Variants in SUMF2 observed in about 807,000 individuals in gnomAD.
SUMF2 encodes the protein sulfatase modifying factor 2, also known as inactive C-alpha-formylglycine-generating enzyme 2.
SUMF2 carries 45 observed loss-of-function variants against 44.8 expected under a neutral mutation model. The ratio of observed to expected loss-of-function variants is 1.00; its 90% CI spans 0.79 to 1.29. The LOEUF is 1.29. Ranked by LOEUF, SUMF2 falls within the 50% of genes most tolerant of loss-of-function variation. The pLI is 0.00. For synonymous variants in SUMF2, 148 were observed against 150.4 expected, an observed-to-expected ratio of 0.98 and a Z score of 0.12; for missense variants, 418 against 389.9, an observed-to-expected ratio of 1.07 and a Z score of -0.61.
chr7:56,083,465 A>G (rs765957920), downstream of SUMF2: 1 of 1,612,450 alleles, frequency 6.2e-7, no homozygotes, highest in East Asian at 2.2e-5. Flanking sequence ...CACACTTGTT[A>G]CTCTTCCTCT....
chr7:56,084,514 C>T (rs1158937258), downstream of SUMF2, among the ~76,000 whole-genome samples: 1 of 151,800 alleles, frequency 6.6e-6, no homozygotes, highest in African/African-American at 2.4e-5. Flanking sequence ...GCTGGGATTA[C>T]AGGTGCCCAC....
At chr7:56,081,794 A>C, downstream of SUMF2, 1 of 1,547,264 alleles carries the variant, frequency 6.5e-7, no homozygotes. The surrounding 1 kb of genome is among the most constrained non-coding windows in gnomAD (Gnocchi z 4.6). Context: ...ATGTCAAGGC[A>C]GGTCCCCTCC....
At chr7:56,074,543 A>C (rs762305726) in intron 4 of SUMF2, 43 bp from the exon 5 acceptor site, 51 of 1,606,016 alleles carry the variant, frequency 3.2e-5, no homozygotes, top group Non-Finnish European at 4.2e-5. Flanking sequence ...CCTCCGACTT[A>C]ATGCGCTCCC....
chr7:56,083,579 CCT>C, downstream of SUMF2: 1 of 1,500,000 alleles, frequency 6.7e-7, no homozygotes, highest in Non-Finnish European at 9.2e-7. Flanking sequence ...CCCTGCCTCC[CCT>C]GAGACCCCAG....
intron 3 of SUMF2, 140 bp from the exon 4 acceptor site, chr7:56,074,034 A>G: frequency 1.7e-6 from 1 of 594,170 alleles, no homozygotes; most frequent in East Asian, 3.2e-5. Flanking sequence ...AAAAAAAAAA[A>G]AAAAAAAAAA....
downstream of SUMF2, chr7:56,082,302 G>C: frequency 6.8e-7 from 1 of 1,460,778 alleles, no homozygotes; most frequent in Non-Finnish European, 9.5e-7. Flanking sequence ...ACTCAGAAGA[G>C]GAAGTCCAGG....
chr7:56,068,036 T>A (rs1212131203), intron 1 of SUMF2, among the ~76,000 whole-genome samples: 9 of 18,098 alleles, frequency 5.0e-4, no homozygotes, highest in African/African-American at 1.3e-3. Flanking sequence ...TCTTTCTTTT[T>A]TTTTTTTTTT....
chr7:56,077,995 C>T, intron 6 of SUMF2, 107 bp from the exon 7 acceptor site: 2 of 932,864 alleles, frequency 2.1e-6, no homozygotes, highest in East Asian at 2.5e-5. Context: ...GTGCCCTTCC[C>T]CTTCCCCAGA....
At chr7:56,073,215 G>GAGGT in intron 3 of SUMF2, 104 bp downstream of exon 3, 1 of 867,550 alleles carries the variant, frequency 1.2e-6, no homozygotes, top group Middle Eastern at 2.1e-4. Context: ...TCAGACCTGA[G>GAGGT]AGGTGGAGGC....
intron 8 of SUMF2, chr7:56,079,026 A>G: frequency 1.7e-6 from 1 of 584,998 alleles, no homozygotes; most frequent in East Asian, 2.9e-5. Context: ...CTCCTCAAGT[A>G]TCTGGGACTA....
chr7:56,081,911 C>T (rs145703798), downstream of SUMF2: 84 of 1,613,348 alleles, frequency 5.2e-5, no homozygotes, highest in African/African-American at 6.9e-4. This position sits in a 1 kb window ranked among gnomAD's most constrained non-coding sequence, Gnocchi z 4.6. Context: ...TCACGGTGTC[C>T]GAGTAATCAT....
downstream of SUMF2, chr7:56,084,361 A>T: frequency 3.9e-6 from 2 of 513,456 alleles, no homozygotes; most frequent in African/African-American, 2.1e-5. Flanking sequence ...GAAGGACGTG[A>T]GTATCCCGAT....
chr7:56,079,126 G>A lies in SUMF2; in HGVS notation c.822-402G>A, dbSNP rs569892193. Reference sequence around the variant, plus strand: ...TGGACTCAAGCAATCAGCCCGCCTTGGCCTCCCAGAATGCTAGGATTACAG... The same window carrying A: ...TGGACTCAAGCAATCAGCCCGCCTTAGCCTCCCAGAATGCTAGGATTACAG... On this transcript the variant is annotated intron_variant, in intron 8 of 8. Coordinates refer to ENST00000434526, the MANE Select transcript of SUMF2 (RefSeq NM_015411.4). The A allele has an allele frequency of 8.6e-4, 410 of 476,522 alleles. 5 individuals are homozygous for A. In the Middle Eastern group the frequency reaches 9.1e-3, roughly 11 times the overall value. 29.5% of individuals were successfully genotyped at this position (476,522 alleles called of 1,614,324 possible). A position where few individuals can be genotyped will look rare whatever the true frequency, so the allele number is the denominator to read the frequency against.
chr7:56,085,055 G>GGT (rs1796195959), downstream of SUMF2, among the ~76,000 whole-genome samples: 3 of 152,086 alleles, frequency 2.0e-5, no homozygotes, highest in South Asian at 6.2e-4. Context: ...CTGCTTCCTG[G>GGT]GTTCATGCCA....
In SUMF2 at chr7:56,079,670, T is replaced by C. The variant is rs1437894021; in HGVS notation, c.*58T>C. The C allele has an allele frequency of 6.2e-7, 1 of 1,614,126 alleles. No individual in the cohort carries two copies. Among genetic ancestry groups the C allele is most frequent in the Non-Finnish European group, 8.5e-7 (1 of 1,179,992 alleles). On this transcript the variant is annotated 3_prime_UTR_variant, in exon 9 of 9. Coordinates refer to ENST00000434526, the MANE Select transcript of SUMF2 (RefSeq NM_015411.4). ...TAGGGTCACTGTCATTCCCTGGCCA[T>C]GTTGCAAACAGCGCAATTCCAAGCT...
downstream of SUMF2, chr7:56,081,620 C>T (rs772166528): frequency 1.5e-5 from 24 of 1,613,010 alleles, no homozygotes; most frequent in African/African-American, 1.2e-4. This position sits in a 1 kb window ranked among gnomAD's most constrained non-coding sequence, Gnocchi z 4.6. Flanking sequence ...TGGATCAGGA[C>T]GCTTAGTACC....
At chr7:56,072,309 C>A (rs1203758566) in intron 2 of SUMF2, among the ~76,000 whole-genome samples, 1 of 150,798 alleles carries the variant, frequency 6.6e-6, no homozygotes, top group Non-Finnish European at 1.5e-5. Flanking sequence ...GTCTGTAATC[C>A]CAGCTACTTA....
In SUMF2 at chr7:56,073,648, G is replaced by GAA. The variant is rs922599820; in HGVS notation, c.340-516_340-515dup. ...GACAGAGTGAGACTGTGTCTCAAAA[G>GAA]AAAAAAAAAAAGAGAGATCACCTTG... On this transcript the variant is annotated intron_variant, in intron 3 of 8. Coordinates refer to ENST00000434526, the MANE Select transcript of SUMF2 (RefSeq NM_015411.4). 6.1e-3 allele frequency: 915 copies of GAA among 150,252 alleles called. 26 individuals carry two copies. The highest frequency in any genetic ancestry group is 3.8e-3 in the East Asian group (21 of 5,514). 9.3% of individuals were successfully genotyped at this position (150,252 alleles called of 1,614,324 possible).
intron 1 of SUMF2, among the ~76,000 whole-genome samples, chr7:56,064,676 C>G (rs1302310879): frequency 1.4e-5 from 2 of 146,230 alleles, no homozygotes; most frequent in Non-Finnish European, 3.0e-5. Flanking sequence ...GAGTTGGAGA[C>G]CAGCCTGGCC....
Sources: allele counts gnomAD v4.1 joint callset (sites outside exome capture counted in the v4.1 genomes callset), GRCh38; gene constraint gnomAD v4.1.1; non-coding constraint Gnocchi (gnomAD v3.1); transcripts MANE v1.5; gene names NCBI Gene and HGNC (gene_info 2026-07-23, HGNC 2026-07-21).